SLC16A12: variants seen among roughly 807,000 people sequenced by gnomAD.
SLC16A12 encodes monocarboxylate transporter 12.
Under a neutral mutation model 42.4 loss-of-function variants are expected in SLC16A12, and 17 were observed. The observed-to-expected ratio is 0.40, with a 90% CI of 0.27 to 0.60. The LOEUF (loss-of-function observed/expected upper bound fraction) is 0.60. SLC16A12 is among the 20% of genes least tolerant of loss of function. The pLI is 0.42. For missense variants in SLC16A12, 544 were observed against 623.0 expected, an observed-to-expected ratio of 0.87 and a Z score of 1.35; for synonymous variants, 224 against 229.4, an observed-to-expected ratio of 0.98 and a Z score of 0.21.
At chr10:89,437,086 T>C (rs937791812) in intron 6 of SLC16A12, among the ~76,000 whole-genome samples, 1 of 152,202 alleles carries the variant, frequency 6.6e-6, no homozygotes, top group African/African-American at 2.4e-5. Context: ...TTAGATACTT[T>C]TAGGTATGTT....
At chr10:89,484,148 T>C (rs1234142090) in intron 2 of SLC16A12, among the ~76,000 whole-genome samples, 1 of 152,206 alleles carries the variant, frequency 6.6e-6, no homozygotes, top group East Asian at 1.9e-4. Flanking sequence ...CTAAGTCTTT[T>C]TGAACTTCAG....
At chr10:89,452,719 C>T (rs1564573300) in intron 3 of SLC16A12, among the ~76,000 whole-genome samples, 1 of 152,134 alleles carries the variant, frequency 6.6e-6, no homozygotes, top group Non-Finnish European at 1.5e-5. Flanking sequence ...GCATGCAGGG[C>T]ATACAGTAAG....
chr10:89,476,303 G>C (rs762073414), intron 2 of SLC16A12, among the ~76,000 whole-genome samples: 1 of 152,146 alleles, frequency 6.6e-6, no homozygotes, highest in African/African-American at 2.4e-5. Context: ...TCCATACCAC[G>C]ATATTTCCTT....
chr10:89,466,024 T>TAATGAG (rs1842390632), intron 2 of SLC16A12, among the ~76,000 whole-genome samples: 1 of 152,162 alleles, frequency 6.6e-6, no homozygotes, highest in Non-Finnish European at 1.5e-5. Flanking sequence ...AGGACAAAGT[T>TAATGAG]AATGAGCCAA....
chr10:89,524,988 C>T (rs183763213), intron 2 of SLC16A12, among the ~76,000 whole-genome samples: 9 of 152,060 alleles, frequency 5.9e-5, no homozygotes, highest in East Asian at 1.9e-4. Context: ...GAGGCTGAGG[C>T]GGGTGGATTG....
intron 2 of SLC16A12, among the ~76,000 whole-genome samples, chr10:89,485,738 C>T (rs2133795406): frequency 6.6e-6 from 1 of 152,154 alleles, no homozygotes; most frequent in East Asian, 1.9e-4. Flanking sequence ...GCAAAGAAGC[C>T]CCAATAAGCA....
intron 2 of SLC16A12, among the ~76,000 whole-genome samples, chr10:89,513,050 G>T (rs1843189684): frequency 6.6e-6 from 1 of 152,162 alleles, no homozygotes; most frequent in Non-Finnish European, 1.5e-5. Flanking sequence ...GTTTTCTCAA[G>T]TATTGAGAAT....
At chr10:89,488,549 G>C (rs1281462619) in intron 2 of SLC16A12, among the ~76,000 whole-genome samples, 1 of 152,220 alleles carries the variant, frequency 6.6e-6, no homozygotes, top group East Asian at 1.9e-4. Context: ...GGCTATGGGA[G>C]AGGTTCAGTG....
chr10:89,479,833 T>C (rs1268714703), intron 2 of SLC16A12, among the ~76,000 whole-genome samples: 1 of 152,218 alleles, frequency 6.6e-6, no homozygotes, highest in Admixed American at 6.5e-5. Flanking sequence ...TATTATGATT[T>C]ATATATCACG....
In SLC16A12 at chr10:89,503,938, G is replaced by A. The variant is rs143345883; in HGVS notation, c.-47+30563C>T. On this transcript the variant is annotated intron_variant, in intron 2 of 7. Coordinates refer to ENST00000371790, the MANE Select transcript of SLC16A12 (RefSeq NM_213606.4). ...AGGGTATCAAATGCTTCTCATTTGA[G>A]AAGTCTGCAAGAAATCAGCACAAGG... Among the ~76,000 whole-genome samples the A allele has an allele frequency of 1.1e-4, 16 of 152,326 alleles. No homozygotes were observed. In the East Asian group the frequency reaches 3.1e-3, roughly 29 times the overall value.
intron 2 of SLC16A12, among the ~76,000 whole-genome samples, chr10:89,519,212 CCTACTTGAAGAGG>C (rs1359502474): frequency 6.6e-6 from 1 of 151,964 alleles, no homozygotes; most frequent in Non-Finnish European, 1.5e-5. Context: ...GACAGTGGGA[CCTACTTGAAGAGG>C]CATGGTGGGA....
chr10:89,477,304 C>T (rs1842596146), intron 2 of SLC16A12, among the ~76,000 whole-genome samples: 1 of 152,146 alleles, frequency 6.6e-6, no homozygotes, highest in Non-Finnish European at 1.5e-5. Context: ...GTGGCTCACG[C>T]CTGTAATCCC....
upstream of SLC16A12, among the ~76,000 whole-genome samples, chr10:89,539,287 T>C (rs1316960488): frequency 6.6e-6 from 1 of 152,254 alleles, no homozygotes; most frequent in Non-Finnish European, 1.5e-5. Context: ...GCTGATCTGG[T>C]ACCTCCACAT....
chr10:89,477,758 T>A (rs1801380900), intron 2 of SLC16A12, among the ~76,000 whole-genome samples: 3 of 152,176 alleles, frequency 2.0e-5, no homozygotes, highest in Admixed American at 2.0e-4. Context: ...ATCATGTAAC[T>A]GTGTAAGATA....
chr10:89,480,219 T>C (rs1489907560), intron 2 of SLC16A12, among the ~76,000 whole-genome samples: 2 of 152,200 alleles, frequency 1.3e-5, no homozygotes, highest in African/African-American at 2.4e-5. Context: ...AATACCACAT[T>C]ACATTTTGAA....
At chr10:89,539,497 G>A (rs927042320), upstream of SLC16A12, among the ~76,000 whole-genome samples, 12 of 152,166 alleles carry the variant, frequency 7.9e-5, no homozygotes, top group African/African-American at 2.9e-4. Context: ...AGGATTCTGA[G>A]AAGCCTGACA....
At position 89,436,166 on chromosome 10, in the gene SLC16A12, G is replaced by A; in HGVS notation, c.1182C>T (p.Ile394=). The change falls in exon 7 of 8, where the codon ATC becomes ATT. Residue 394 remains isoleucine (I), a synonymous_variant. Transcript: ENST00000371790. ...CCACTATCTCTGTGGTCACTACTGG[G>A]ATCAAAGTCACATAGGCACCATCAA... ...GYFDGAYVTL[I]PVVTTEIVGT... is the part of the protein sequence containing the mutation. The A allele has an allele frequency of 6.2e-7, 1 of 1,614,058 alleles. No homozygotes were observed. The highest frequency in any genetic ancestry group is 8.5e-7 in the Non-Finnish European group (1 of 1,180,000).
chr10:89,488,147 G>T (rs1033368662), intron 2 of SLC16A12, among the ~76,000 whole-genome samples: 3 of 151,506 alleles, frequency 2.0e-5, no homozygotes, highest in Admixed American at 6.6e-5. Context: ...GCAGCAACAA[G>T]GATGGGACAC....
intron 3 of SLC16A12, among the ~76,000 whole-genome samples, chr10:89,452,863 T>C (rs1052090430): frequency 1.3e-5 from 2 of 152,216 alleles, no homozygotes; most frequent in Admixed American, 6.5e-5. Flanking sequence ...CAATCAGCCA[T>C]TGGCGGTGGG....
Sources: allele counts gnomAD v4.1 joint callset (sites outside exome capture counted in the v4.1 genomes callset), GRCh38; gene constraint gnomAD v4.1.1; transcripts MANE v1.5; gene names NCBI Gene and HGNC (gene_info 2026-07-23, HGNC 2026-07-21).